The following PCNX2 variants were observed in gnomAD, a reference collection of about 807,000 sequenced individuals.
PCNX2 encodes pecanex-like protein 2.
PCNX2 carries 168 observed loss-of-function variants against 223.8 expected under a neutral mutation model. That is an observed-to-expected ratio of 0.75 (90% CI 0.66 to 0.85). The LOEUF (loss-of-function observed/expected upper bound fraction) is 0.85, where lower values mean the gene tolerates loss of function less well. Ranked by LOEUF, PCNX2 falls within the 40% of genes least tolerant of loss-of-function variation. The probability of loss-of-function intolerance (pLI) is 0.00; values close to 1 mark genes in which losing one functional copy is unlikely to be tolerated. For synonymous variants in PCNX2, 1,006 were observed against 1,052.6 expected, an observed-to-expected ratio of 0.96 and a Z score of 0.86; for missense variants, 2,507 against 2,675.5, an observed-to-expected ratio of 0.94 and a Z score of 1.39.
chr1:233,174,468 C>T (rs1013549189), intron 17 of PCNX2, among the ~76,000 whole-genome samples: 5 of 151,388 alleles, frequency 3.3e-5, no homozygotes, highest in Admixed American at 2.0e-4. Flanking sequence ...ATATACTGAA[C>T]ATTTTAAATT....
At chr1:233,125,698 T>A (rs1184787195) in intron 21 of PCNX2, among the ~76,000 whole-genome samples, 1 of 152,180 alleles carries the variant, frequency 6.6e-6, no homozygotes, top group African/African-American at 2.4e-5. Flanking sequence ...AGACTTTGGC[T>A]GAAACTATCA....
chr1:233,218,900 A>G (rs1322174910), intron 10 of PCNX2, among the ~76,000 whole-genome samples: 3 of 152,196 alleles, frequency 2.0e-5, no homozygotes, highest in Non-Finnish European at 4.4e-5. Flanking sequence ...TGGCCTAAGC[A>G]GACAATCATT....
At chr1:233,201,151 G>A (rs1456529095) in intron 13 of PCNX2, among the ~76,000 whole-genome samples, 1 of 146,424 alleles carries the variant, frequency 6.8e-6, no homozygotes, top group Admixed American at 6.8e-5. Flanking sequence ...ATTCACTATG[G>A]AACAAAGTAC....
At position 232,986,182 on chromosome 1, in the gene PCNX2, C is replaced by T. The variant is rs1015440344; in HGVS notation, c.6150G>A (p.Ala2050=). 9.6e-6 allele frequency: 15 copies of T among 1,562,192 alleles called. No homozygotes were observed. Among genetic ancestry groups the T allele is most frequent in the South Asian group, 5.9e-5 (5 of 84,794 alleles). The change falls in exon 33 of 34, where the codon GCG becomes GCA. Residue 2050 remains alanine, a synonymous_variant. Transcript: ENST00000258229. Reference sequence around the variant, plus strand: ...GGGTGTCACTGGTATTGCCCCCCTCCGCAGCAGAGAGTCCGGAAATGACGA... The same window carrying T: ...GGGTGTCACTGGTATTGCCCCCCTCTGCAGCAGAGAGTCCGGAAATGACGA... ...SALVISGLSA[A]EGGNTSDTQS...
At position 233,204,458 on chromosome 1, in the gene PCNX2, C is replaced by A. The variant is rs193299043; in HGVS notation, c.2863+4060G>T. Among the ~76,000 whole-genome samples the A allele has an allele frequency of 9.9e-4, 151 of 152,242 alleles. 1 individual carries two copies. In the East Asian group the frequency reaches 0.021, roughly 21 times the overall value. On this transcript the variant is annotated intron_variant, in intron 13 of 33. Coordinates refer to ENST00000258229, the MANE Select transcript of PCNX2 (RefSeq NM_014801.4). The stretch of plus-strand genomic sequence containing the variant: ...GTACACTTCTTTTTCCTCCTAATAA[C>A]CTTTTGTTTTCTCCCAATGTTTTTC...
chr1:233,069,234 A>G (rs1011716965), intron 23 of PCNX2, among the ~76,000 whole-genome samples: 5 of 152,166 alleles, frequency 3.3e-5, no homozygotes, highest in Non-Finnish European at 5.9e-5. Flanking sequence ...TAGAACTGAA[A>G]AAGCAGACAA....
rs1041732153 is a variant in PCNX2, at chr1:233,266,073, A to T, written c.154-2910T>A. On this transcript the variant is annotated intron_variant, in intron 1 of 33. Transcript: ENST00000258229. ...ATAAAGGACCACTTGGCACTTTGTC[A>T]TATCTGCAGCCCATGGACCTGACCA... 1.3e-5 allele frequency among the ~76,000 whole-genome samples: 2 copies of T among 152,218 alleles called. 1 individual carries two copies. The highest frequency in any genetic ancestry group is 2.9e-5 in the Non-Finnish European group (2 of 68,044).
At chr1:233,263,186 A>C (rs761519553) in intron 1 of PCNX2, 23 bp from the exon 2 acceptor site, 10 of 1,452,330 alleles carry the variant, frequency 6.9e-6, no homozygotes, top group South Asian at 2.5e-5. Flanking sequence ...AAAGACAGAG[A>C]AAAATCATTT....
intron 32 of PCNX2, among the ~76,000 whole-genome samples, chr1:232,988,781 A>G (rs551671202): frequency 6.6e-6 from 1 of 152,290 alleles, no homozygotes; most frequent in African/African-American, 2.4e-5. Context: ...ACCAGCCTCC[A>G]CTGCTAGGCC....
At chr1:233,082,685 A>C (rs930139760) in intron 23 of PCNX2, among the ~76,000 whole-genome samples, 11 of 152,232 alleles carry the variant, frequency 7.2e-5, no homozygotes, top group African/African-American at 2.7e-4. Context: ...TGAGAAGCTC[A>C]ATGCTTTGCA....
chr1:233,175,242 AT>A (rs1679414117), intron 17 of PCNX2, among the ~76,000 whole-genome samples: 1 of 152,234 alleles, frequency 6.6e-6, no homozygotes, highest in South Asian at 2.1e-4. Context: ...TCCCATTAAA[AT>A]ATTATAATTA....
intron 25 of PCNX2, among the ~76,000 whole-genome samples, chr1:233,034,054 A>C (rs570938500): frequency 3.9e-4 from 59 of 152,204 alleles, no homozygotes; most frequent in African/African-American, 1.3e-3. Flanking sequence ...TCTACTAAAA[A>C]TACAAAAATT....
intron 17 of PCNX2, among the ~76,000 whole-genome samples, chr1:233,161,816 T>C (rs956044916): frequency 6.6e-6 from 1 of 152,064 alleles, no homozygotes; most frequent in African/African-American, 2.4e-5. Context: ...TAGGGTGTCT[T>C]GGATTTTAAC....
chr1:233,158,139 T>C (rs1678240100), intron 19 of PCNX2, among the ~76,000 whole-genome samples: 1 of 151,962 alleles, frequency 6.6e-6, no homozygotes, highest in Non-Finnish European at 1.5e-5. Context: ...AATGGGGCTG[T>C]CTTAGATGCA....
At chr1:233,275,532 A>G (rs1660861150) in intron 1 of PCNX2, among the ~76,000 whole-genome samples, 2 of 152,198 alleles carry the variant, frequency 1.3e-5, no homozygotes, top group Non-Finnish European at 2.9e-5. Flanking sequence ...ATAAGGTGAT[A>G]CTGAAAGGAA....
intron 15 of PCNX2, among the ~76,000 whole-genome samples, chr1:233,197,273 CA>C (rs1680788595): frequency 6.6e-6 from 1 of 152,040 alleles, no homozygotes; most frequent in African/African-American, 2.4e-5. Flanking sequence ...AATTAATGAA[CA>C]AGCAAACAAA....
At chr1:233,209,468 GA>G (rs917075719) in intron 12 of PCNX2, among the ~76,000 whole-genome samples, 242 of 152,006 alleles carry the variant, frequency 1.6e-3, no homozygotes, top group African/African-American at 5.6e-3. Flanking sequence ...GATTCAGGGG[GA>G]AAAAAACAAT....
intron 25 of PCNX2, among the ~76,000 whole-genome samples, chr1:233,050,563 A>G (rs185398179): frequency 2.0e-5 from 3 of 152,346 alleles, no homozygotes; most frequent in African/African-American, 7.2e-5. Context: ...GACAAAGTCA[A>G]CAAAAATAAG....
chr1:233,023,561 C>A (rs1245185161), intron 26 of PCNX2, among the ~76,000 whole-genome samples: 5 of 152,220 alleles, frequency 3.3e-5, no homozygotes, highest in Non-Finnish European at 7.3e-5. Context: ...AAGCTTCTAA[C>A]ATGCATGCCA....
Sources: gnomAD v4.1 joint callset for allele counts (sites outside exome capture counted in the v4.1 genomes callset) on GRCh38, gnomAD v4.1.1 for gene constraint, MANE v1.5 for transcripts, NCBI Gene and HGNC (gene_info 2026-07-23, HGNC 2026-07-21) for gene names.